The following KALRN variants were observed in gnomAD, a reference collection of about 807,000 sequenced individuals.
KALRN encodes kalirin.
In KALRN, 70 loss-of-function variants were observed where a neutral mutation model predicts 353.7. The observed-to-expected ratio is 0.20, with a 90% CI of 0.16 to 0.24. KALRN has a LOEUF of 0.24. Ranked by LOEUF, KALRN falls within the 10% of genes least tolerant of loss-of-function variation. The probability of loss-of-function intolerance (pLI) is 1.00; values close to 1 mark genes in which losing one functional copy is unlikely to be tolerated. For missense variants in KALRN, 2,791 were observed against 3,756.7 expected, an observed-to-expected ratio of 0.74 and a Z score of 6.72; for synonymous variants, 1,391 against 1,434.8, an observed-to-expected ratio of 0.97 and a Z score of 0.69.
At chr3:124,473,792 G>A (rs766271393) in intron 25 of KALRN, among the ~76,000 whole-genome samples, 5 of 152,126 alleles carry the variant, frequency 3.3e-5, no homozygotes, top group East Asian at 1.9e-4. Flanking sequence ...AAAGATAAGC[G>A]CATTCATGAT....
chr3:124,456,203 C>A lies in KALRN; in HGVS notation c.3736-407C>A, dbSNP rs577337630. Among the ~76,000 whole-genome samples, 4 of 152,214 alleles carry A rather than the reference C, an allele frequency of 2.6e-5. No individual in the cohort carries two copies. The South Asian group carries it at 8.3e-4, about 32-fold the overall frequency. On this transcript the variant is annotated intron_variant, in intron 22 of 59. Coordinates refer to ENST00000682506, the MANE Select transcript of KALRN (RefSeq NM_001388419.1). ...TAAATATATTTGATTTGATTATTTT[C>A]TTTTGACAAATGAAAGATGTTTTTA...
Position 124,328,309 on chromosome 3 carries a change from C to T in KALRN, c.1285-1552C>T, listed in dbSNP as rs78358030. ...TCTCCTGTTCTGTCTTCAACCTTATCACTTACATACTTTATTCAAGGTTTG... is the reference window on the plus strand; with the variant it reads ...TCTCCTGTTCTGTCTTCAACCTTATTACTTACATACTTTATTCAAGGTTTG... On this transcript the variant is annotated intron_variant, in intron 7 of 59. Coordinates refer to ENST00000682506, the MANE Select transcript of KALRN (RefSeq NM_001388419.1). Among the ~76,000 whole-genome samples, 55 of 152,278 alleles carry T rather than the reference C, an allele frequency of 3.6e-4. No individual in the cohort carries two copies. The East Asian group carries it at 8.1e-3, about 22-fold the overall frequency.
intron 17 of KALRN, among the ~76,000 whole-genome samples, chr3:124,435,341 A>C (rs1006455028): frequency 8.5e-5 from 13 of 152,202 alleles, no homozygotes; most frequent in African/African-American, 2.7e-4. Context: ...AGATAAGATG[A>C]TGCTGCTGTG....
intron 33 of KALRN, among the ~76,000 whole-genome samples, chr3:124,550,586 G>A (rs570040833): frequency 3.9e-5 from 6 of 152,214 alleles, no homozygotes; most frequent in South Asian, 4.2e-4. Context: ...ACCCAAGCAC[G>A]TGTTTCCTTT....
intron 1 of KALRN, among the ~76,000 whole-genome samples, chr3:124,055,946 T>A (rs1212172488): frequency 6.6e-6 from 1 of 152,254 alleles, no homozygotes; most frequent in Non-Finnish European, 1.5e-5. Flanking sequence ...CCCTCAGTAC[T>A]GAAGCTTTGT....
chr3:124,615,000 C>T (rs1467759542), intron 34 of KALRN, among the ~76,000 whole-genome samples: 1 of 152,212 alleles, frequency 6.6e-6, no homozygotes, highest in Non-Finnish European at 1.5e-5. Flanking sequence ...TATGTTCAAA[C>T]ATTACTTATA....
intron 28 of KALRN, among the ~76,000 whole-genome samples, chr3:124,484,015 C>T (rs1343471437): frequency 1.3e-5 from 2 of 152,074 alleles, no homozygotes; most frequent in Non-Finnish European, 1.5e-5. Flanking sequence ...GCTGGTTGCT[C>T]CTTTAATGCA....
rs909555250 is a variant in KALRN at position 124,658,755 on chromosome 3, C to T, written c.6123+238C>T. ...GTCTGGGTTCTGATTTGAGAATCCC[C>T]CATTTGCAGAATAAGCCTGAACACA... On this transcript the variant is annotated intron_variant, in intron 42 of 59. Transcript: ENST00000682506. Among the ~76,000 whole-genome samples, 7 of 152,264 alleles carry T rather than the reference C, an allele frequency of 4.6e-5. No individual in the cohort carries two copies. In the East Asian group the frequency reaches 9.6e-4, roughly 21 times the overall value.
At chr3:124,268,505 G>C (rs1279168420) in intron 4 of KALRN, 1 of 546,596 alleles carries the variant, frequency 1.8e-6, no homozygotes. Context: ...TTCTTCTGGG[G>C]TGGTAAATGG....
intron 1 of KALRN, among the ~76,000 whole-genome samples, chr3:124,131,493 G>A (rs2065270525): frequency 6.6e-6 from 1 of 152,212 alleles, no homozygotes; most frequent in Non-Finnish European, 1.5e-5. Context: ...CAAATACTAA[G>A]AAGTAAGATT....
At chr3:124,674,293 A>T in intron 48 of KALRN, 71 bp from the exon 49 acceptor site, 1 of 1,506,808 alleles carries the variant, frequency 6.6e-7, no homozygotes, top group Non-Finnish European at 8.9e-7. Flanking sequence ...ACCACTGGGT[A>T]GGGTGCAGAG....
chr3:124,264,977 A>C (rs2148889740), intron 4 of KALRN, among the ~76,000 whole-genome samples: 1 of 152,342 alleles, frequency 6.6e-6, no homozygotes, highest in Middle Eastern at 3.4e-3. Flanking sequence ...TTGTAACAAA[A>C]ACCTTAGGAA....
intron 3 of KALRN, among the ~76,000 whole-genome samples, chr3:124,255,656 T>G (rs2071851970): frequency 6.6e-6 from 1 of 152,160 alleles, no homozygotes; most frequent in Non-Finnish European, 1.5e-5. Context: ...TACCCCACAA[T>G]AGCCATGACA....
At chr3:124,344,818 A>G (rs2082112173) in intron 9 of KALRN, among the ~76,000 whole-genome samples, 1 of 152,246 alleles carries the variant, frequency 6.6e-6, no homozygotes, top group South Asian at 2.1e-4. Context: ...TGATGAAGGC[A>G]TAGCCAATTA....
intron 33 of KALRN, among the ~76,000 whole-genome samples, chr3:124,541,749 G>A (rs947286882): frequency 2.7e-5 from 4 of 150,076 alleles, no homozygotes; most frequent in East Asian, 2.0e-4. Flanking sequence ...AAAATTAGCC[G>A]GGCATGGTGG....
chr3:124,192,556 G>T (rs1358251830), intron 1 of KALRN, among the ~76,000 whole-genome samples: 1 of 152,134 alleles, frequency 6.6e-6, no homozygotes, highest in Non-Finnish European at 1.5e-5. Flanking sequence ...AAGGATAAAT[G>T]CTTGAGAGGA....
Position 124,094,978 on chromosome 3 carries a change from C to G in KALRN, c.73+61165C>G, listed in dbSNP as rs1190882427. 6 of 1,364,404 alleles carry G rather than the reference C, an allele frequency of 4.4e-6. No homozygotes were observed. The East Asian group carries it at 1.4e-4, about 32-fold the overall frequency. The allele number at this position is 1,364,404 out of a possible 1,614,324, so 84.5% of individuals were successfully genotyped here. ...ACACATAGAGACATAAAGAGACATG[C>G]AGAAAGACACAGCAGAGAGGGGAGG... On this transcript the variant is annotated intron_variant, in intron 1 of 59. Coordinates refer to ENST00000682506, the MANE Select transcript of KALRN (RefSeq NM_001388419.1).
At chr3:124,692,961 T>C (rs1432581672) in intron 51 of KALRN, among the ~76,000 whole-genome samples, 1 of 152,196 alleles carries the variant, frequency 6.6e-6, no homozygotes, top group African/African-American at 2.4e-5. Flanking sequence ...AGATGTAGCT[T>C]TCCAGAATGG....
At chr3:124,382,290 A>G (rs995557487) in intron 10 of KALRN, among the ~76,000 whole-genome samples, 4 of 152,212 alleles carry the variant, frequency 2.6e-5, no homozygotes, top group African/African-American at 9.6e-5. Context: ...TTTCTTCAGC[A>G]TCTATATCGT....
Sources: gnomAD v4.1 joint callset for allele counts (sites outside exome capture counted in the v4.1 genomes callset) on GRCh38, gnomAD v4.1.1 for gene constraint, MANE v1.5 for transcripts, NCBI Gene and HGNC (gene_info 2026-07-23, HGNC 2026-07-21) for gene names.